The following RORA variants were observed in gnomAD, a reference collection of about 807,000 sequenced individuals.
RORA encodes the protein RAR related orphan receptor A.
In RORA, 7 loss-of-function variants were observed where a neutral mutation model predicts 69.5. The ratio of observed to expected loss-of-function variants is 0.10; its 90% CI spans 0.06 to 0.19. RORA has a LOEUF of 0.19. RORA is among the 10% of genes least tolerant of loss of function. The probability of loss-of-function intolerance (pLI) is 1.00; values close to 1 mark genes in which losing one functional copy is unlikely to be tolerated. For synonymous variants in RORA, 261 were observed against 240.8 expected (o/e 1.08, Z -0.78); for missense variants, 457 against 663.0 (o/e 0.69, Z 3.41).
intron 1 of RORA, among the ~76,000 whole-genome samples, chr15:61,119,091 G>C (rs111837226): frequency 2.0e-5 from 3 of 148,504 alleles, no homozygotes; most frequent in African/African-American, 7.4e-5. Flanking sequence ...AGGGGGGGGG[G>C]GGCGCCATGG....
chr15:61,190,872 A>G (rs1310322539), intron 1 of RORA, among the ~76,000 whole-genome samples: 1 of 152,258 alleles, frequency 6.6e-6, no homozygotes, highest in East Asian at 1.9e-4. Context: ...TATATAAAGT[A>G]TAAATGCTTT....
At chr15:60,998,175 T>C (rs1298782259) in intron 1 of RORA, among the ~76,000 whole-genome samples, 2 of 152,164 alleles carry the variant, frequency 1.3e-5, no homozygotes, top group African/African-American at 4.8e-5. Flanking sequence ...AATCTTTCTT[T>C]TTTTCTGAGA....
chr15:60,820,500 G>A (rs1033582121), intron 1 of RORA, among the ~76,000 whole-genome samples: 4 of 152,168 alleles, frequency 2.6e-5, no homozygotes, highest in African/African-American at 9.7e-5. Flanking sequence ...TGGTGAAAAT[G>A]AGGCCTGCAT....
intron 1 of RORA, among the ~76,000 whole-genome samples, chr15:61,169,466 G>A (rs180922395): frequency 8.9e-4 from 135 of 151,900 alleles, no homozygotes; most frequent in African/African-American, 3.2e-3. Flanking sequence ...GGCAGCAGAG[G>A]ATAACCTTGT....
rs139668498 is a variant in RORA at position 60,734,586 on chromosome 15, C to T, written c.167-55900G>A. On this transcript the variant is annotated intron_variant, in intron 1 of 10. Transcript: ENST00000335670. ...TTTGTAAATAGGAGACAGGCACCAACATAATGGCCCACTGTTAGATTTCTT... is the reference window on the plus strand; with the variant it reads ...TTTGTAAATAGGAGACAGGCACCAATATAATGGCCCACTGTTAGATTTCTT... Among the ~76,000 whole-genome samples the T allele has an allele frequency of 1.8e-4, 27 of 152,318 alleles. No homozygotes were observed. The East Asian group carries it at 5.0e-3, about 28-fold the overall frequency.
chr15:61,061,378 T>TAAATAAAC lies in RORA; in HGVS notation c.166+167674_166+167675insGTTTATTT, dbSNP rs1180156060. ...AAAAATAAATAAATAAATAAATAAA[T>TAAATAAAC]AAATAAATAAATAAATAAATACAAG... On this transcript the variant is annotated intron_variant, in intron 1 of 10. Coordinates refer to ENST00000335670, the MANE Select transcript of RORA (RefSeq NM_134261.3). The surrounding 1 kb of genome is among the most constrained non-coding windows in gnomAD (Gnocchi z 4.4). Among the ~76,000 whole-genome samples, 3 of 148,694 alleles carry TAAATAAAC rather than the reference T, an allele frequency of 2.0e-5. No individual in the cohort carries two copies. The highest frequency in any genetic ancestry group is 7.4e-5 in the African/African-American group (3 of 40,612).
intron 1 of RORA, among the ~76,000 whole-genome samples, chr15:60,847,034 G>C (rs77580660): frequency 0.041 from 6,207 of 152,230 alleles, 427 homozygotes; most frequent in African/African-American, 0.14. Flanking sequence ...AAGAGCTCAA[G>C]AGAGCATGGG....
chr15:60,801,865 G>A (rs1595725871), intron 1 of RORA, among the ~76,000 whole-genome samples: 1 of 152,246 alleles, frequency 6.6e-6, no homozygotes, highest in South Asian at 2.1e-4. Context: ...TGATAATGAT[G>A]ATGATGGTGG....
chr15:60,926,585 T>A (rs187332300), intron 1 of RORA, among the ~76,000 whole-genome samples: 3 of 152,262 alleles, frequency 2.0e-5, no homozygotes, highest in East Asian at 1.9e-4. Context: ...AAAATGTGCA[T>A]ATACTTTGCC....
chr15:61,116,288 T>C (rs1026098255), intron 1 of RORA, among the ~76,000 whole-genome samples: 4 of 152,166 alleles, frequency 2.6e-5, no homozygotes, highest in African/African-American at 7.2e-5. Context: ...GAGCAAATTA[T>C]CAGACCTACT....
At chr15:61,003,977 G>A (rs1385646959) in intron 1 of RORA, among the ~76,000 whole-genome samples, 1 of 149,986 alleles carries the variant, frequency 6.7e-6, no homozygotes, top group Non-Finnish European at 1.5e-5. Flanking sequence ...CCCTCTCTAT[G>A]AGAAATCTTT....
intron 1 of RORA, among the ~76,000 whole-genome samples, chr15:60,791,120 A>T (rs905997657): frequency 3.9e-5 from 6 of 152,084 alleles, no homozygotes; most frequent in Non-Finnish European, 8.8e-5. Flanking sequence ...CATAAAACTG[A>T]TTGTAGAACG....
chr15:60,652,515 C>T (rs1372704611), intron 2 of RORA, among the ~76,000 whole-genome samples: 1 of 152,130 alleles, frequency 6.6e-6, no homozygotes, highest in Non-Finnish European at 1.5e-5. Flanking sequence ...TTAGACTGGC[C>T]ACTGCAAAGG....
intron 3 of RORA, among the ~76,000 whole-genome samples, chr15:60,522,853 C>T (rs978636533): frequency 1.9e-4 from 29 of 150,554 alleles, no homozygotes; most frequent in African/African-American, 6.4e-4. Context: ...GGGCAGATCA[C>T]GAGGTCAGGA....
At chr15:60,776,517 C>T (rs1385199196) in intron 1 of RORA, among the ~76,000 whole-genome samples, 1 of 152,214 alleles carries the variant, frequency 6.6e-6, no homozygotes, top group African/African-American at 2.4e-5. Flanking sequence ...GACTTCACAA[C>T]CAGGCTTTCT....
At chr15:60,989,682 C>G (rs1894313904) in intron 1 of RORA, among the ~76,000 whole-genome samples, 1 of 152,190 alleles carries the variant, frequency 6.6e-6, no homozygotes, top group African/African-American at 2.4e-5. Context: ...GAATCTAGTC[C>G]AGACCACTCC....
At chr15:60,718,666 G>A (rs1432047458) in intron 1 of RORA, among the ~76,000 whole-genome samples, 2 of 152,134 alleles carry the variant, frequency 1.3e-5, no homozygotes, top group Non-Finnish European at 2.9e-5. Context: ...AATACACAAA[G>A]CTCGGGTAAC....
intron 1 of RORA, among the ~76,000 whole-genome samples, chr15:60,935,431 G>T (rs550108909): frequency 1.1e-4 from 17 of 152,128 alleles, no homozygotes; most frequent in Non-Finnish European, 2.4e-4. Flanking sequence ...TGCCAGTAAG[G>T]GCCCTTGGTG....
intron 1 of RORA, among the ~76,000 whole-genome samples, chr15:60,772,872 T>C (rs1253689167): frequency 1.3e-5 from 2 of 152,220 alleles, no homozygotes; most frequent in Admixed American, 6.5e-5. Flanking sequence ...ATCCACACCA[T>C]GGCAGCACAT....
Sources: allele counts gnomAD v4.1 joint callset (sites outside exome capture counted in the v4.1 genomes callset), GRCh38; gene constraint gnomAD v4.1.1; non-coding constraint Gnocchi (gnomAD v3.1); transcripts MANE v1.5; gene names NCBI Gene and HGNC (gene_info 2026-07-23, HGNC 2026-07-21).